Variants in ASAP2 observed in about 807,000 individuals in gnomAD.
The protein encoded by ASAP2 is arf-GAP with SH3 domain, ANK repeat and PH domain-containing protein 2.
In ASAP2, 45 loss-of-function variants were observed where a neutral mutation model predicts 131.4. The observed-to-expected ratio is 0.34, with a 90% confidence interval of 0.27 to 0.44. ASAP2 has a LOEUF of 0.44. ASAP2 is among the 20% of genes least tolerant of loss of function. The pLI is 1.00. For synonymous variants in ASAP2, 510 were observed against 503.0 expected, an observed-to-expected ratio of 1.01 and a Z score of -0.19; for missense variants, 1,011 against 1,297.0, an observed-to-expected ratio of 0.78 and a Z score of 3.39.
intron 1 of ASAP2, among the ~76,000 whole-genome samples, chr2:9,243,339 A>C (rs1269054718): frequency 6.6e-6 from 1 of 152,094 alleles, no homozygotes; most frequent in Non-Finnish European, 1.5e-5. Flanking sequence ...CGATCTCCTG[A>C]CCTCGTGATC....
chr2:9,212,945 A>G (rs79178116), intron 1 of ASAP2, among the ~76,000 whole-genome samples: 109 of 152,364 alleles, frequency 7.2e-4, no homozygotes, highest in African/African-American at 2.5e-3. Context: ...GCGTTTGTGA[A>G]GCAGAGCTGC....
chr2:9,223,467 C>T (rs1490827799), intron 1 of ASAP2, among the ~76,000 whole-genome samples: 1 of 152,138 alleles, frequency 6.6e-6, no homozygotes, highest in African/African-American at 2.4e-5. Context: ...CCATGAAATG[C>T]TATAGGGTTC....
intron 1 of ASAP2, among the ~76,000 whole-genome samples, chr2:9,252,717 C>T (rs1356258376): frequency 1.3e-5 from 2 of 152,148 alleles, no homozygotes; most frequent in South Asian, 4.2e-4. Context: ...AGATCGAGAC[C>T]ATCCTGGCTA....
chr2:9,391,334 G>T (rs950886285), intron 23 of ASAP2, 138 bp downstream of exon 23: 1 of 1,262,386 alleles, frequency 7.9e-7, no homozygotes, highest in Non-Finnish European at 1.1e-6. Context: ...TGTGGCTCTT[G>T]TGCAGGGCTC....
rs1572662910 is a variant in ASAP2, at chr2:9,405,074, G to A, written c.*1747G>A. On this transcript the variant is annotated 3_prime_UTR_variant, in exon 28 of 28. Coordinates refer to ENST00000281419, the MANE Select transcript of ASAP2 (RefSeq NM_003887.3). The stretch of plus-strand genomic sequence containing the variant: ...GACCACCTGGTGCCAGCTATATAAG[G>A]AATAAAGTTGATTCATATCAACATT... 1.3e-5 allele frequency: 2 copies of A among 152,474 alleles called. No individual in the cohort carries two copies. The highest frequency in any genetic ancestry group is 3.9e-4 in the East Asian group (2 of 5,180). The allele number at this position is 152,474 out of a possible 1,614,324, so 9.4% of individuals were successfully genotyped here.
chr2:9,297,605 A>C (rs926796371), intron 3 of ASAP2, among the ~76,000 whole-genome samples, 160 bp downstream of exon 3: 1 of 152,250 alleles, frequency 6.6e-6, no homozygotes, highest in Non-Finnish European at 1.5e-5. Flanking sequence ...AGTTTGGAAT[A>C]AAGTTTAAAA....
chr2:9,345,490 A>T (rs1291403857), intron 11 of ASAP2, among the ~76,000 whole-genome samples: 2 of 152,156 alleles, frequency 1.3e-5, no homozygotes, highest in African/African-American at 4.8e-5. Context: ...TGTTCTTTCC[A>T]TGGCAGCGTT....
In ASAP2 at chr2:9,216,501, C is replaced by T. The variant is rs552398351; in HGVS notation, c.126+9271C>T. On this transcript the variant is annotated intron_variant, in intron 1 of 27. Transcript: ENST00000281419. ...TTTGAGACGGTGTCTCACTCTGTCA[C>T]CCAGGCTGGACTGCAGTGGTGCCAT... Among the ~76,000 whole-genome samples the T allele has an allele frequency of 1.2e-4, 17 of 141,726 alleles. 1 individual carries two copies. In the East Asian group the frequency reaches 3.1e-3, roughly 26 times the overall value. 93.0% of individuals were successfully genotyped at this position (141,726 alleles called of 152,430 possible). A position where few individuals can be genotyped will look rare whatever the true frequency, so the allele number is the denominator to read the frequency against.
At chr2:9,332,773 G>T (rs1017243479) in intron 7 of ASAP2, among the ~76,000 whole-genome samples, 2 of 151,994 alleles carry the variant, frequency 1.3e-5, no homozygotes, top group African/African-American at 4.8e-5. Context: ...TATTTCACAA[G>T]AATTTGAAAT....
rs554436074 is a variant in ASAP2 at position 9,256,119 on chromosome 2, A to T, written c.127-23198A>T. On this transcript the variant is annotated intron_variant, in intron 1 of 27. Coordinates refer to ENST00000281419, the MANE Select transcript of ASAP2 (RefSeq NM_003887.3). The stretch of plus-strand genomic sequence containing the variant: ...CATTGACATATTTGCACGTTCAGAC[A>T]TTCATAGAAATGGCAGGAGAAAAAC... 1.9e-4 allele frequency among the ~76,000 whole-genome samples: 28 copies of T among 149,902 alleles called. No homozygotes were observed. The East Asian group carries it at 5.5e-3, about 29-fold the overall frequency.
chr2:9,218,709 C>T (rs906067355), intron 1 of ASAP2, among the ~76,000 whole-genome samples: 16 of 152,190 alleles, frequency 1.1e-4, no homozygotes, highest in Admixed American at 9.8e-4. Flanking sequence ...GGGTTGGATG[C>T]GATGAGTCCA....
chr2:9,360,927 A>C (rs1673036066), intron 15 of ASAP2, among the ~76,000 whole-genome samples: 1 of 152,180 alleles, frequency 6.6e-6, no homozygotes, highest in African/African-American at 2.4e-5. Context: ...ATCTGTTATA[A>C]TTTTTTAAAT....
chr2:9,271,796 G>C (rs1340434603), intron 1 of ASAP2, among the ~76,000 whole-genome samples: 1 of 151,668 alleles, frequency 6.6e-6, no homozygotes, highest in Non-Finnish European at 1.5e-5. Flanking sequence ...ACAAATAATT[G>C]AAAACATGGA....
intron 16 of ASAP2, among the ~76,000 whole-genome samples, chr2:9,371,271 G>T (rs1673934622): frequency 6.6e-6 from 1 of 152,130 alleles, no homozygotes. Context: ...TTACTTTCTT[G>T]GCTCTGTGCT....
At chr2:9,260,093 A>G (rs1336457426) in intron 1 of ASAP2, among the ~76,000 whole-genome samples, 1 of 152,104 alleles carries the variant, frequency 6.6e-6, no homozygotes, top group Non-Finnish European at 1.5e-5. Context: ...TGGAGGTGGG[A>G]GGGGAAAGGT....
intron 6 of ASAP2, among the ~76,000 whole-genome samples, chr2:9,324,677 G>A (rs1268699712): frequency 6.6e-6 from 1 of 152,118 alleles, no homozygotes; most frequent in African/African-American, 2.4e-5. Flanking sequence ...CCTCCCAAAG[G>A]TTCTACCACT....
At chr2:9,382,317 A>T (rs1296166812) in intron 20 of ASAP2, among the ~76,000 whole-genome samples, 2 of 152,146 alleles carry the variant, frequency 1.3e-5, no homozygotes, top group African/African-American at 4.8e-5. Flanking sequence ...ACCTTATGAC[A>T]TAGTTTCTGC....
chr2:9,221,588 A>T (rs551146307), intron 1 of ASAP2, among the ~76,000 whole-genome samples: 193 of 151,948 alleles, frequency 1.3e-3, no homozygotes, highest in Non-Finnish European at 1.8e-3. Context: ...TCTTAATTTC[A>T]TTTCTGGATT....
At chr2:9,355,162 A>G (rs575780993) in intron 12 of ASAP2, among the ~76,000 whole-genome samples, 3 of 152,302 alleles carry the variant, frequency 2.0e-5, no homozygotes, top group African/African-American at 7.2e-5. Flanking sequence ...GCTATTAACT[A>G]AAAATCTTAC....
Sources: allele counts gnomAD v4.1 joint callset (sites outside exome capture counted in the v4.1 genomes callset), GRCh38; gene constraint gnomAD v4.1.1; transcripts MANE v1.5; gene names NCBI Gene and HGNC (gene_info 2026-07-23, HGNC 2026-07-21).